FSTL4: variants seen among roughly 807,000 people sequenced by gnomAD.
The protein encoded by FSTL4 is follistatin-related protein 4.
In FSTL4, 28 loss-of-function variants were observed where a neutral mutation model predicts 78.2. That is an observed-to-expected ratio of 0.36 (90% CI 0.27 to 0.49). The LOEUF is 0.49. FSTL4 is among the 20% of genes least tolerant of loss of function. The pLI, the probability that FSTL4 is intolerant of heterozygous loss-of-function variation, is 0.98. For synonymous variants in FSTL4, 422 were observed against 440.5 expected, an observed-to-expected ratio of 0.96 and a Z score of 0.53; for missense variants, 922 against 1,084.9, an observed-to-expected ratio of 0.85 and a Z score of 2.11.
chr5:133,447,758 T>C (rs1757298074), intron 3 of FSTL4, among the ~76,000 whole-genome samples: 1 of 152,218 alleles, frequency 6.6e-6, no homozygotes, highest in Non-Finnish European at 1.5e-5. Flanking sequence ...CAGGCTGGTC[T>C]TGAACTCCTG....
At chr5:133,735,553 C>A in the FSTL4 span, among the ~76,000 whole-genome samples, 3 of 152,338 alleles carry the variant, frequency 2.0e-5, no homozygotes, top group Non-Finnish European at 1.5e-5. Flanking sequence ...ACTTGCCTGT[C>A]CCCAAACAAC....
chr5:133,632,618 C>T, the FSTL4 span, among the ~76,000 whole-genome samples: 1 of 152,102 alleles, frequency 6.6e-6, no homozygotes, highest in Non-Finnish European at 1.5e-5. Context: ...GTTATTCTTT[C>T]ATCAGTTGAA....
chr5:133,364,140 G>C (rs1057488268), intron 4 of FSTL4, among the ~76,000 whole-genome samples: 3 of 152,226 alleles, frequency 2.0e-5, no homozygotes, highest in South Asian at 2.1e-4. Flanking sequence ...TGACAACTCA[G>C]AAATATGGAA....
At chr5:133,350,355 G>A (rs1047564108) in intron 4 of FSTL4, among the ~76,000 whole-genome samples, 4 of 152,266 alleles carry the variant, frequency 2.6e-5, no homozygotes, top group Admixed American at 6.5e-5. Flanking sequence ...TGCTGTGCCC[G>A]CTGGGGCCCC....
At chr5:133,815,481 G>A in the FSTL4 span, among the ~76,000 whole-genome samples, 1 of 152,152 alleles carries the variant, frequency 6.6e-6, no homozygotes, top group Non-Finnish European at 1.5e-5. Flanking sequence ...CGTGGTTTAT[G>A]GGAGCAATGA....
At chr5:133,390,813 C>T (rs975979772) in intron 4 of FSTL4, among the ~76,000 whole-genome samples, 5 of 152,212 alleles carry the variant, frequency 3.3e-5, no homozygotes, top group Non-Finnish European at 7.3e-5. Context: ...GGCAAGTGCT[C>T]CTCCCTCTCT....
intron 3 of FSTL4, among the ~76,000 whole-genome samples, chr5:133,484,489 T>C (rs1398923032): frequency 6.6e-6 from 1 of 152,240 alleles, no homozygotes; most frequent in African/African-American, 2.4e-5. Context: ...CTTTATTCTC[T>C]TACATTTACA....
chr5:133,347,791 C>T (rs186329364), intron 4 of FSTL4, among the ~76,000 whole-genome samples: 20 of 152,298 alleles, frequency 1.3e-4, no homozygotes, highest in Admixed American at 1.2e-3. Context: ...TCATTAATGG[C>T]CCACTCTGAG....
chr5:133,770,139 T>G, the FSTL4 span, among the ~76,000 whole-genome samples: 2 of 152,144 alleles, frequency 1.3e-5, no homozygotes, highest in African/African-American at 4.8e-5. Flanking sequence ...CCTCCATTAA[T>G]GGACACTTAA....
chr5:133,774,225 C>A, the FSTL4 span, among the ~76,000 whole-genome samples: 273 of 152,246 alleles, frequency 1.8e-3, no homozygotes, highest in African/African-American at 6.1e-3. Flanking sequence ...GAAGATCAAG[C>A]ATAAAGCCTA....
chr5:133,263,488 G>T (rs1752577472), intron 6 of FSTL4, among the ~76,000 whole-genome samples: 1 of 152,120 alleles, frequency 6.6e-6, no homozygotes, highest in South Asian at 2.1e-4. Context: ...TGGCTCACTT[G>T]TGCCCAGTGT....
chr5:133,225,704 G>A lies in FSTL4; in HGVS notation c.1131C>T (p.Asn377=), dbSNP rs1250044616. The stretch of plus-strand genomic sequence containing the variant: ...ACATCTGAGTTGAGACATCCACGCC[G>A]TTTTTCAGCCAAGTGATTCTGGGCA... ...IPMPRITWLK[N]GVDVSTQMSK... The change falls in exon 9 of 16, where the codon AAC becomes AAT. Residue 377 remains asparagine (N), a synonymous_variant. Transcript: ENST00000265342. The surrounding 1 kb of genome is among the most constrained non-coding windows in gnomAD (Gnocchi z 4.6). 6.2e-6 allele frequency: 10 copies of A among 1,611,644 alleles called. No homozygotes were observed. The highest frequency in any genetic ancestry group is 5.3e-5 in the African/African-American group (4 of 74,832).
At chr5:133,217,973 T>G (rs1236094919) in intron 12 of FSTL4, among the ~76,000 whole-genome samples, 1 of 152,204 alleles carries the variant, frequency 6.6e-6, no homozygotes, top group African/African-American at 2.4e-5. Context: ...CTTGTTAATC[T>G]CATTGAAACC....
the FSTL4 span, among the ~76,000 whole-genome samples, chr5:133,645,513 G>A: frequency 6.6e-6 from 1 of 152,106 alleles, no homozygotes; most frequent in Non-Finnish European, 1.5e-5. Flanking sequence ...TGTTCTTTGA[G>A]AACTGACTAG....
the FSTL4 span, among the ~76,000 whole-genome samples, chr5:133,641,474 T>C: frequency 4.6e-5 from 7 of 152,164 alleles, no homozygotes; most frequent in Non-Finnish European, 1.0e-4. Context: ...CTGCAAACTT[T>C]TGGGAAGACA....
At chr5:133,404,635 T>G (rs1253235755) in intron 3 of FSTL4, among the ~76,000 whole-genome samples, 1 of 152,162 alleles carries the variant, frequency 6.6e-6, no homozygotes, top group Non-Finnish European at 1.5e-5. Flanking sequence ...AATAAGAATG[T>G]CACAGACCCA....
intron 2 of FSTL4, among the ~76,000 whole-genome samples, chr5:133,593,774 G>A (rs1017188604): frequency 2.0e-5 from 3 of 152,082 alleles, no homozygotes; most frequent in Non-Finnish European, 4.4e-5. Flanking sequence ...CTTTTCTTTA[G>A]GCTAAAGTTG....
chr5:133,552,747 T>C (rs935938064), intron 3 of FSTL4, among the ~76,000 whole-genome samples: 1 of 152,184 alleles, frequency 6.6e-6, no homozygotes, highest in African/African-American at 2.4e-5. Context: ...ACTTTTCTTA[T>C]GAAGAGGCAG....
the FSTL4 span, among the ~76,000 whole-genome samples, chr5:133,757,408 T>C: frequency 2.2e-4 from 33 of 152,218 alleles, no homozygotes; most frequent in Non-Finnish European, 4.4e-5. Flanking sequence ...ATTTCAGTGC[T>C]CAATAGCACG....
Sources: allele counts gnomAD v4.1 joint callset (sites outside exome capture counted in the v4.1 genomes callset), GRCh38; gene constraint gnomAD v4.1.1; non-coding constraint Gnocchi (gnomAD v3.1); transcripts MANE v1.5; gene names NCBI Gene and HGNC (gene_info 2026-07-23, HGNC 2026-07-21).